KNCN: variants seen among roughly 807,000 people sequenced by gnomAD.
The protein encoded by KNCN is kinocilin.
KNCN carries 11 observed loss-of-function variants against 10.4 expected under a neutral mutation model. The ratio of observed to expected loss-of-function variants is 1.06; its 90% confidence interval spans 0.67 to 1.75. KNCN has a LOEUF of 1.75. KNCN is among the 40% of genes most tolerant of loss of function. The pLI is 0.00. For synonymous variants in KNCN, 67 were observed against 71.6 expected (o/e 0.94, Z 0.33); for missense variants, 172 against 167.1 (o/e 1.03, Z -0.16).
intron 3 of KNCN, among the ~76,000 whole-genome samples, chr1:46,548,262 G>C (rs1029282401): frequency 1.4e-4 from 21 of 152,188 alleles, no homozygotes; most frequent in Admixed American, 9.8e-4. Context: ...GCCTTTCACT[G>C]AGTATTAGGC....
In KNCN at chr1:46,549,220, T is replaced by C. The variant is rs769189413; in HGVS notation, c.268A>G (p.Arg90Gly). The C allele has an allele frequency of 1.5e-5, 25 of 1,613,326 alleles. No individual in the cohort carries two copies. The highest frequency in any genetic ancestry group is 1.9e-5 in the Non-Finnish European group (22 of 1,179,616). ...PHPGADHGEG[R>G]SSTNGNKEGA... The stretch of plus-strand genomic sequence containing the variant: ...TCCTTGTTGCCATTGGTGCTGGATC[T>C]TCCTTCCCCGTGGTCTGCCCCTGGA... The change falls in exon 3 of 4, where the codon AGA (arginine) becomes GGA (glycine). Residue 90 changes from arginine (R) to glycine (G), a missense_variant. Arg to Gly is a moderately radical substitution (Grantham distance 125). Coordinates refer to ENST00000481882, the MANE Select transcript of KNCN (RefSeq NM_001322255.2).
intron 3 of KNCN, among the ~76,000 whole-genome samples, chr1:46,548,656 C>T (rs952502712): frequency 2.6e-5 from 4 of 152,150 alleles, no homozygotes; most frequent in Non-Finnish European, 5.9e-5. Context: ...ATTCCAGTGT[C>T]CACGCTGGGC....
At position 46,550,533 on chromosome 1, in the gene KNCN, G is replaced by A. The variant is rs558128548; in HGVS notation, c.152-531C>T. Among the ~76,000 whole-genome samples, 113 of 143,576 alleles carry A rather than the reference G, an allele frequency of 7.9e-4. 1 individual carries two copies. The highest frequency in any genetic ancestry group is 2.7e-3 in the African/African-American group (109 of 39,718). The allele number at this position is 143,576 out of a possible 152,430, so 94.2% of individuals were successfully genotyped here. A position where few individuals can be genotyped will look rare whatever the true frequency, so the allele number is the denominator to read the frequency against. ...TCCTGCCTTTGGCCTGGGCGGGGGC[G>A]GGGGGTGGGGTGAGGTGAGGTGAGG... is the stretch of plus-strand genomic sequence containing the variant. On this transcript the variant is annotated intron_variant, in intron 1 of 3. Transcript: ENST00000481882.
chr1:46,549,342 G>A (rs1025853459), intron 2 of KNCN, 75 bp from the exon 3 acceptor site: 55 of 1,100,204 alleles, frequency 5.0e-5, no homozygotes, highest in Admixed American at 1.2e-4. Flanking sequence ...GGGAAGGGAA[G>A]TCCTTCTTGC....
Position 46,551,277 on chromosome 1 carries a change from G to C in KNCN, c.-62C>G. 6.5e-7 allele frequency: 1 copy of C among 1,544,772 alleles called. No individual in the cohort carries two copies. The highest frequency in any genetic ancestry group is 1.2e-5 in the South Asian group (1 of 81,812). On this transcript the variant is annotated 5_prime_UTR_variant, in exon 1 of 4. Coordinates refer to ENST00000481882, the MANE Select transcript of KNCN (RefSeq NM_001322255.2). This position sits in a 1 kb window ranked among gnomAD's most constrained non-coding sequence, Gnocchi z 4.0. ...GTCTGGCCCCAGAAAAGTCCTGGAA[G>C]TTTCTGGGCTCTTGGATGTCTCCTT...
rs772000099 is a variant in KNCN, at chr1:46,547,606, C to A, written c.*124G>T. The A allele has an allele frequency of 3.1e-5, 24 of 781,000 alleles. No individual in the cohort carries two copies. Among genetic ancestry groups the A allele is most frequent in the Admixed American group, 1.2e-4 (6 of 50,014 alleles). 48.4% of individuals were successfully genotyped at this position (781,000 alleles called of 1,614,324 possible). On this transcript the variant is annotated 3_prime_UTR_variant, in exon 4 of 4. Coordinates refer to ENST00000481882, the MANE Select transcript of KNCN (RefSeq NM_001322255.2). The stretch of plus-strand genomic sequence containing the variant: ...GCCCCATTCCAGACACTGTTCCCAG[C>A]CGCTCTGGGGTCTGCAGGGCCTGGC...
Position 46,545,853 on chromosome 1 carries a change from G to A in KNCN, c.*1877C>T, listed in dbSNP as rs574386071. On this transcript the variant is annotated 3_prime_UTR_variant, in exon 4 of 4. Transcript: ENST00000481882. ...CCCTGGGGCATCTCTGGGGCACTGAGGTGAGGATCGAAGATGGATAGGAGG... is the reference window on the plus strand; with the variant it reads ...CCCTGGGGCATCTCTGGGGCACTGAAGTGAGGATCGAAGATGGATAGGAGG... The A allele has an allele frequency of 9.8e-5, 15 of 152,420 alleles. No individual in the cohort carries two copies. Among genetic ancestry groups the A allele is most frequent in the African/African-American group, 3.4e-4 (14 of 41,568 alleles). The allele number at this position is 152,420 out of a possible 1,614,324, so 9.4% of individuals were successfully genotyped here. A position where few individuals can be genotyped will look rare whatever the true frequency, so the allele number is the denominator to read the frequency against.
chr1:46,549,880 G>A, intron 2 of KNCN, 54 bp downstream of exon 2: 2 of 1,550,406 alleles, frequency 1.3e-6, no homozygotes, highest in Admixed American at 2.0e-5. Flanking sequence ...GCACACAAAG[G>A]GTCTGGAACA....
Position 46,549,152 on chromosome 1 carries a change from A to AAAGAAG in KNCN, c.295+40_295+41insCTTCTT, listed in dbSNP as rs1326049279. 4 of 1,530,890 alleles carry AAAGAAG rather than the reference A, an allele frequency of 2.6e-6. No individual in the cohort carries two copies. The African/African-American group carries it at 5.6e-5, about 22-fold the overall frequency. The allele number at this position is 1,530,890 out of a possible 1,614,324, so 94.8% of individuals were successfully genotyped here. On this transcript the variant is annotated intron_variant, in intron 3 of 3. Transcript: ENST00000481882. ...GCAAAACTCTGTCTCAAAAAAAAAA[A>AAAGAAG]AGAAAAAAGAAGGATGGACTCGGGA...
At chr1:46,547,868 A>G (rs113853244) in intron 3 of KNCN, 59 bp from the exon 4 acceptor site, 4 of 1,304,382 alleles carry the variant, frequency 3.1e-6, no homozygotes, top group African/African-American at 1.5e-5. Context: ...TGGAGTTGTC[A>G]GGGTCAGAGG....
In KNCN at chr1:46,551,014, G is replaced by GC; in HGVS notation, c.151+50dup. 1 of 1,491,954 alleles carries GC rather than the reference G, an allele frequency of 6.7e-7. No individual in the cohort carries two copies. Among genetic ancestry groups the GC allele is most frequent in the Non-Finnish European group, 9.0e-7 (1 of 1,105,490 alleles). 92.4% of individuals were successfully genotyped at this position (1,491,954 alleles called of 1,614,324 possible). A position where few individuals can be genotyped will look rare whatever the true frequency, so the allele number is the denominator to read the frequency against. ...TCCTTGTTCACCTGACGATGCCCCTGCCCCCACCTCCAGAATCTCCCTTCC... is the reference window on the plus strand; with the variant it reads ...TCCTTGTTCACCTGACGATGCCCCTGCCCCCCACCTCCAGAATCTCCCTTCC... On this transcript the variant is annotated intron_variant, in intron 1 of 3. Transcript: ENST00000481882. This position sits in a 1 kb window ranked among gnomAD's most constrained non-coding sequence, Gnocchi z 4.0.
rs774677757 is a variant in KNCN at position 46,549,345 on chromosome 1, C to T, written c.221-78G>A. 6.7e-4 allele frequency: 705 copies of T among 1,052,612 alleles called. 6 individuals are homozygous for T. Among genetic ancestry groups the T allele is most frequent in the Non-Finnish European group, 3.9e-4 (277 of 713,892 alleles). 65.2% of individuals were successfully genotyped at this position (1,052,612 alleles called of 1,614,324 possible). ...CAAGCCTAGGTTGGGAAGGGAAGTC[C>T]TTCTTGCTATCTAGTCTCCATCCCT... On this transcript the variant is annotated intron_variant, in intron 2 of 3. Coordinates refer to ENST00000481882, the MANE Select transcript of KNCN (RefSeq NM_001322255.2).
At position 46,546,539 on chromosome 1, in the gene KNCN, G is replaced by A. The variant is rs1452161342; in HGVS notation, c.*1191C>T. On this transcript the variant is annotated 3_prime_UTR_variant, in exon 4 of 4. Transcript: ENST00000481882. ...GCCGTATGGAGAGGGTATCTCTGTAGAGGTCAAACAACTCTGCCTGGAGGG... is the reference window on the plus strand; with the variant it reads ...GCCGTATGGAGAGGGTATCTCTGTAAAGGTCAAACAACTCTGCCTGGAGGG... The A allele has an allele frequency of 6.6e-6, 1 of 152,282 alleles. No individual in the cohort carries two copies. Among genetic ancestry groups the A allele is most frequent in the African/African-American group, 2.4e-5 (1 of 41,470 alleles). 9.4% of individuals were successfully genotyped at this position (152,282 alleles called of 1,614,324 possible). A position where few individuals can be genotyped will look rare whatever the true frequency, so the allele number is the denominator to read the frequency against.
chr1:46,547,320 T>A lies in KNCN; in HGVS notation c.*410A>T, dbSNP rs533249847. Reference sequence around the variant, plus strand: ...TCCCTGTCTGTGGTTCTTGTGGGCCTGTGGTTCACTTCTGTAGCCGGGTTA... The same window carrying A: ...TCCCTGTCTGTGGTTCTTGTGGGCCAGTGGTTCACTTCTGTAGCCGGGTTA... On this transcript the variant is annotated 3_prime_UTR_variant, in exon 4 of 4. Transcript: ENST00000481882. 6.5e-6 allele frequency: 3 copies of A among 458,922 alleles called. No homozygotes were observed. Among genetic ancestry groups the A allele is most frequent in the South Asian group, 4.8e-5 (3 of 62,930 alleles). 28.4% of individuals were successfully genotyped at this position (458,922 alleles called of 1,614,324 possible).
chr1:46,548,850 A>G (rs1170544779), intron 3 of KNCN, among the ~76,000 whole-genome samples: 2 of 152,164 alleles, frequency 1.3e-5, no homozygotes, highest in African/African-American at 2.4e-5. Flanking sequence ...GAGATGAAAG[A>G]TGGATTCAGG....
At position 46,547,814 on chromosome 1, in the gene KNCN, G is replaced by T. The variant is rs893583268; in HGVS notation, c.296-5C>A. On this transcript the variant is annotated splice_polypyrimidine_tract_variant and splice_region_variant and intron_variant, in intron 3 of 3. Transcript: ENST00000481882. ...TGGACAGGCTGCTGCGGGCTCCTGG[G>T]GGAGAGAACAGGGACGAGGACTGCC... The T allele has an allele frequency of 6.9e-7, 1 of 1,455,344 alleles. No homozygotes were observed. The highest frequency in any genetic ancestry group is 2.8e-5 in the Admixed American group (1 of 35,398). 90.2% of individuals were successfully genotyped at this position (1,455,344 alleles called of 1,614,324 possible). A position where few individuals can be genotyped will look rare whatever the true frequency, so the allele number is the denominator to read the frequency against.
In KNCN at chr1:46,551,007, T is replaced by C; in HGVS notation, c.151+58A>G. On this transcript the variant is annotated intron_variant, in intron 1 of 3. Coordinates refer to ENST00000481882, the MANE Select transcript of KNCN (RefSeq NM_001322255.2). The surrounding 1 kb of genome is among the most constrained non-coding windows in gnomAD (Gnocchi z 4.0). ...TCCCTGTTCCTTGTTCACCTGACGA[T>C]GCCCCTGCCCCCACCTCCAGAATCT... 2.1e-6 allele frequency: 3 copies of C among 1,449,864 alleles called. No homozygotes were observed. The highest frequency in any genetic ancestry group is 2.8e-6 in the Non-Finnish European group (3 of 1,073,788). The allele number at this position is 1,449,864 out of a possible 1,614,324, so 89.8% of individuals were successfully genotyped here.
intron 2 of KNCN, chr1:46,549,584 A>G: frequency 1.8e-6 from 1 of 550,120 alleles, no homozygotes; most frequent in Non-Finnish European, 3.2e-6. Context: ...AGCTGTGCAG[A>G]GGCTGTGGGG....
intron 2 of KNCN, 34 bp downstream of exon 2, chr1:46,549,900 A>G (rs1356591439): frequency 6.4e-7 from 1 of 1,550,440 alleles, no homozygotes; most frequent in African/African-American, 1.4e-5. Flanking sequence ...AGTCCTTGGC[A>G]GAGGGGTCTG....
Sources: gnomAD v4.1 joint callset for allele counts (sites outside exome capture counted in the v4.1 genomes callset) on GRCh38, gnomAD v4.1.1 for gene constraint, Gnocchi (gnomAD v3.1) non-coding constraint, MANE v1.5 for transcripts, NCBI Gene and HGNC (gene_info 2026-07-23, HGNC 2026-07-21) for gene names.